Variants in DISC1 observed in about 807,000 individuals in gnomAD.
DISC1 encodes disrupted in schizophrenia 1 protein.
DISC1 carries 57 observed loss-of-function variants against 84.5 expected under a neutral mutation model. The ratio of observed to expected loss-of-function variants is 0.67; its 90% CI spans 0.55 to 0.84. The LOEUF is 0.84. DISC1 is among the 40% of genes least tolerant of loss of function. The pLI, the probability that DISC1 is intolerant of heterozygous loss-of-function variation, is 0.00. For missense variants in DISC1, 1,000 were observed against 1,057.8 expected (o/e 0.95, Z 0.76); for synonymous variants, 411 against 415.2 (o/e 0.99, Z 0.12).
chr1:231,742,601 C>T (rs2073435021), intron 3 of DISC1, among the ~76,000 whole-genome samples: 1 of 151,944 alleles, frequency 6.6e-6, no homozygotes, highest in African/African-American at 2.4e-5. Context: ...GACAAAACCC[C>T]ATCTCTGAAA....
chr1:231,873,100 A>G (rs1418122796), intron 9 of DISC1, among the ~76,000 whole-genome samples: 1 of 152,064 alleles, frequency 6.6e-6, no homozygotes, highest in African/African-American at 2.4e-5. Context: ...AAGGGCCTTC[A>G]CCTCCAGGGC....
chr1:231,887,113 G>C (rs1249630257), intron 9 of DISC1, among the ~76,000 whole-genome samples: 1 of 151,948 alleles, frequency 6.6e-6, no homozygotes, highest in Non-Finnish European at 1.5e-5. Context: ...ACCCACCTCA[G>C]CCTCCCAAAG....
intron 9 of DISC1, among the ~76,000 whole-genome samples, chr1:231,836,280 A>G (rs11122347): frequency 0.32 from 47,895 of 151,846 alleles, 7,646 homozygotes; most frequent in East Asian, 0.39. Flanking sequence ...GCGTGCTGTT[A>G]TTTCATAGGT....
At chr1:231,883,353 G>A (rs1369920295) in intron 9 of DISC1, among the ~76,000 whole-genome samples, 8 of 152,306 alleles carry the variant, frequency 5.3e-5, no homozygotes, top group Admixed American at 3.9e-4. Context: ...CTTGCCGTCG[G>A]GAGCTCACAT....
intron 9 of DISC1, among the ~76,000 whole-genome samples, chr1:231,899,184 T>C (rs1453317799): frequency 6.6e-6 from 1 of 152,160 alleles, no homozygotes; most frequent in Non-Finnish European, 1.5e-5. Context: ...GAATTCCACC[T>C]TCCGTTCCCT....
intron 9 of DISC1, among the ~76,000 whole-genome samples, chr1:231,853,000 C>T (rs140011620): frequency 1.3e-5 from 2 of 152,282 alleles, no homozygotes; most frequent in Non-Finnish European, 2.9e-5. Context: ...TATAGCAGCT[C>T]TAAAATATTA....
chr1:231,962,435 T>TG (rs1191224981), intron 10 of DISC1, among the ~76,000 whole-genome samples: 1 of 152,150 alleles, frequency 6.6e-6, no homozygotes, highest in African/African-American at 2.4e-5. Context: ...TTTGAGGATG[T>TG]GGGCATATAT....
intron 9 of DISC1, among the ~76,000 whole-genome samples, chr1:231,948,780 G>C (rs1023868590): frequency 1.3e-5 from 2 of 152,040 alleles, no homozygotes; most frequent in Non-Finnish European, 2.9e-5. Context: ...TGATGCCCAG[G>C]GCAGGGGCCC....
chr1:231,695,195 C>T (rs1173565119), intron 2 of DISC1, among the ~76,000 whole-genome samples: 1 of 152,208 alleles, frequency 6.6e-6, no homozygotes. Context: ...TGCCCTCTAT[C>T]AGGGCGATCC....
rs538902058 is a variant in DISC1, at chr1:231,698,391, T to G, written c.1048-3564T>G. ...ACTGAGAAGATGGTAATAAAGGTAG[T>G]TGGTGACCAGGCATGCAGAGGAGGG... On this transcript the variant is annotated intron_variant, in intron 2 of 12. Transcript: ENST00000439617. This position sits in a 1 kb window ranked among gnomAD's most constrained non-coding sequence, Gnocchi z 4.9. 6.6e-6 allele frequency among the ~76,000 whole-genome samples: 1 copy of G among 152,142 alleles called. No homozygotes were observed. Among genetic ancestry groups the G allele is most frequent in the African/African-American group, 2.4e-5 (1 of 41,444 alleles).
At chr1:231,699,036 C>T (rs372823171) in intron 2 of DISC1, among the ~76,000 whole-genome samples, 2 of 152,248 alleles carry the variant, frequency 1.3e-5, no homozygotes, top group African/African-American at 2.4e-5. Flanking sequence ...GTGTTTTTTG[C>T]GTATGCTTCA....
At chr1:231,759,000 A>G (rs1288277273) in intron 4 of DISC1, among the ~76,000 whole-genome samples, 3 of 152,198 alleles carry the variant, frequency 2.0e-5, no homozygotes, top group Admixed American at 1.3e-4. Flanking sequence ...CAAACAAAAT[A>G]TAACAAAGTT....
chr1:231,691,075 G>A (rs2064944269), intron 1 of DISC1, among the ~76,000 whole-genome samples: 1 of 152,168 alleles, frequency 6.6e-6, no homozygotes, highest in African/African-American at 2.4e-5. Context: ...TCACTGTGCT[G>A]CAACTGGAAC....
At chr1:231,841,910 G>C (rs2083096222) in intron 9 of DISC1, among the ~76,000 whole-genome samples, 1 of 152,198 alleles carries the variant, frequency 6.6e-6, no homozygotes, top group Non-Finnish European at 1.5e-5. Flanking sequence ...CAGTAAAAAC[G>C]ATGAAGATAT....
intron 8 of DISC1, among the ~76,000 whole-genome samples, chr1:231,806,902 C>T (rs573110012): frequency 2.0e-5 from 3 of 152,302 alleles, no homozygotes; most frequent in East Asian, 1.9e-4. Flanking sequence ...GTGGTGGGTG[C>T]GGCTGACTTG....
intron 1 of DISC1, among the ~76,000 whole-genome samples, chr1:231,688,444 C>T (rs183299198): frequency 5.5e-4 from 83 of 152,174 alleles, no homozygotes; most frequent in Admixed American, 2.7e-3. Flanking sequence ...TCTCAAAGGG[C>T]AAAAAACCTT....
chr1:231,793,148 GAACA>G (rs1283651697), intron 6 of DISC1, among the ~76,000 whole-genome samples: 2 of 152,150 alleles, frequency 1.3e-5, no homozygotes, highest in African/African-American at 2.4e-5. Flanking sequence ...TACAGTTGAA[GAACA>G]AACAAACAAA....
At chr1:231,756,515 T>TAGAGAGAG (rs2075135283) in intron 4 of DISC1, among the ~76,000 whole-genome samples, 1 of 102,476 alleles carries the variant, frequency 9.8e-6, no homozygotes, top group Admixed American at 1.2e-4. Flanking sequence ...TATGTGAATA[T>TAGAGAGAG]CGAGAGAGAG....
At chr1:231,779,727 T>G (rs1178473344) in intron 6 of DISC1, among the ~76,000 whole-genome samples, 1 of 151,856 alleles carries the variant, frequency 6.6e-6, no homozygotes, top group Non-Finnish European at 1.5e-5. Flanking sequence ...GCCCGGCTAA[T>G]TTTTTGTATT....
Sources: allele counts gnomAD v4.1 joint callset (sites outside exome capture counted in the v4.1 genomes callset), GRCh38; gene constraint gnomAD v4.1.1; non-coding constraint Gnocchi (gnomAD v3.1); transcripts MANE v1.5; gene names NCBI Gene and HGNC (gene_info 2026-07-23, HGNC 2026-07-21).